The following TLE1 variants were observed in gnomAD, a reference collection of about 807,000 sequenced individuals.
TLE1 encodes the protein transducin-like enhancer protein 1.
Under a neutral mutation model 89.8 loss-of-function variants are expected in TLE1, and 21 were observed. The ratio of observed to expected loss-of-function variants is 0.23; its 90% CI spans 0.17 to 0.34. TLE1 has a LOEUF of 0.34. TLE1 is among the 10% of genes least tolerant of loss of function. The pLI, the probability that TLE1 is intolerant of heterozygous loss-of-function variation, is 1.00. For missense variants in TLE1, 795 were observed against 1,031.2 expected, an observed-to-expected ratio of 0.77 and a Z score of 3.14; for synonymous variants, 447 against 407.6, an observed-to-expected ratio of 1.10 and a Z score of -1.16.
At chr9:81,662,407 T>TGTGTGTGTGTGTGTG (rs1435013957) in intron 4 of TLE1, among the ~76,000 whole-genome samples, 2 of 71,504 alleles carry the variant, frequency 2.8e-5, no homozygotes, top group African/African-American at 5.5e-5. Context: ...GTGTGTGTGT[T>TGTGTGTGTGTGTGTG]TAAAGGGCCA....
chr9:81,610,748 C>T (rs560122434), intron 13 of TLE1, among the ~76,000 whole-genome samples: 2 of 150,300 alleles, frequency 1.3e-5, no homozygotes, highest in Non-Finnish European at 3.0e-5. Context: ...ACCTGCCCCC[C>T]CTCCCACCCC....
chr9:81,591,070 T>C lies in TLE1; in HGVS notation c.1582-18A>G. 1 of 1,604,476 alleles carries C rather than the reference T, an allele frequency of 6.2e-7. No individual in the cohort carries two copies. Among genetic ancestry groups the C allele is most frequent in the Non-Finnish European group, 8.5e-7 (1 of 1,172,470 alleles). ...TCTCTGTTCTGTAGAATAAACATAA[T>C]TCATTGCTATAATGAATTACCGAGC... On this transcript the variant is annotated intron_variant, in intron 15 of 19. Transcript: ENST00000376499.
At chr9:81,592,781 T>A (rs1829722926) in intron 15 of TLE1, among the ~76,000 whole-genome samples, 1 of 152,226 alleles carries the variant, frequency 6.6e-6, no homozygotes, top group African/African-American at 2.4e-5. Flanking sequence ...GGAGAGCCTC[T>A]GTAAACCACT....
chr9:81,589,238 G>T, intron 16 of TLE1, among the ~76,000 whole-genome samples: 1 of 152,102 alleles, frequency 6.6e-6, no homozygotes, highest in Admixed American at 6.5e-5. Flanking sequence ...CTCATGAAAC[G>T]CTGTTCCTCC....
At chr9:81,679,052 G>A (rs764627595) in intron 4 of TLE1, among the ~76,000 whole-genome samples, 7 of 152,158 alleles carry the variant, frequency 4.6e-5, no homozygotes, top group Non-Finnish European at 1.0e-4. Context: ...AGAGGCTGAG[G>A]CAGGAGAATC....
At chr9:81,674,007 C>T (rs1832582586) in intron 4 of TLE1, among the ~76,000 whole-genome samples, 1 of 152,082 alleles carries the variant, frequency 6.6e-6, no homozygotes, top group South Asian at 2.1e-4. Flanking sequence ...CCGAAAGCAA[C>T]CTTTTTATTT....
At chr9:81,638,940 T>C (rs1417522685) in intron 6 of TLE1, among the ~76,000 whole-genome samples, 2 of 151,938 alleles carry the variant, frequency 1.3e-5, no homozygotes, top group Non-Finnish European at 2.9e-5. Flanking sequence ...TGCATTTTTT[T>C]TGAAGCAAAG....
rs548999898 is a variant in TLE1 at position 81,661,711 on chromosome 9, C to T, written c.235-7675G>A. 1.6e-4 allele frequency among the ~76,000 whole-genome samples: 24 copies of T among 152,154 alleles called. No individual in the cohort carries two copies. The East Asian group carries it at 4.3e-3, about 27-fold the overall frequency. On this transcript the variant is annotated intron_variant, in intron 4 of 19. Coordinates refer to ENST00000376499, the MANE Select transcript of TLE1 (RefSeq NM_005077.5). ...GAAATAAACAGATAACCTCTAAATC[C>T]CTTCTGACTAGAAGTTTCTGAGTCT...
intron 13 of TLE1, among the ~76,000 whole-genome samples, chr9:81,610,742 GC>G (rs142200191): frequency 9.6e-5 from 14 of 145,816 alleles, no homozygotes; most frequent in African/African-American, 3.3e-4. Context: ...ATCCATACCT[GC>G]CCCCCCTCCC....
In TLE1 at chr9:81,689,207, GCA is replaced by G; in HGVS notation, c.-969_-968del. 6.6e-6 allele frequency: 1 copy of G among 152,392 alleles called. No individual in the cohort carries two copies. Among genetic ancestry groups the G allele is most frequent in the East Asian group, 1.9e-4 (1 of 5,174 alleles). 9.4% of individuals were successfully genotyped at this position (152,392 alleles called of 1,614,324 possible). On this transcript the variant is annotated 5_prime_UTR_variant, in exon 1 of 20. Transcript: ENST00000376499. ...TCCGCAAAGGGCGCTCCAGCCCACT[GCA>G]AAGTTCTCTCACCACCCGAGGGACG... is the stretch of plus-strand genomic sequence containing the variant.
At chr9:81,641,368 GTGATCAACAGGA>G (rs1828093620) in intron 6 of TLE1, among the ~76,000 whole-genome samples, 1 of 152,118 alleles carries the variant, frequency 6.6e-6, no homozygotes, top group Non-Finnish European at 1.5e-5. Context: ...AGGGGCAAGG[GTGATCAACAGGA>G]AGAAACTGCT....
In TLE1 at chr9:81,585,488, C is replaced by G. The variant is rs1270271694; in HGVS notation, c.2128+17G>C. ...TGGGCCATCAACGGCCTCCAGTTTC[C>G]TTTCGGCTGAACTCACCACAGTAAG... On this transcript the variant is annotated intron_variant, in intron 18 of 19. Coordinates refer to ENST00000376499, the MANE Select transcript of TLE1 (RefSeq NM_005077.5). 3 of 1,604,352 alleles carry G rather than the reference C, an allele frequency of 1.9e-6. No homozygotes were observed. Among genetic ancestry groups the G allele is most frequent in the African/African-American group, 2.7e-5 (2 of 74,680 alleles).
chr9:81,646,319 A>T (rs1444013286), intron 6 of TLE1, among the ~76,000 whole-genome samples: 1 of 152,146 alleles, frequency 6.6e-6, no homozygotes, highest in Non-Finnish European at 1.5e-5. Flanking sequence ...GACTGCGAAG[A>T]CTTCTTTGCA....
intron 8 of TLE1, among the ~76,000 whole-genome samples, chr9:81,627,275 C>T (rs150569315): frequency 3.5e-4 from 53 of 150,832 alleles, no homozygotes; most frequent in Middle Eastern, 3.4e-3. Flanking sequence ...AGAGCACAAA[C>T]TCAAGTCAAA....
At chr9:81,629,086 G>C (rs775148291) in intron 8 of TLE1, among the ~76,000 whole-genome samples, 1 of 152,084 alleles carries the variant, frequency 6.6e-6, no homozygotes, top group Non-Finnish European at 1.5e-5. Context: ...ACATAAAATG[G>C]ATCACTGCAA....
intron 2 of TLE1, 74 bp downstream of exon 2, chr9:81,687,257 GCGC>G: frequency 8.0e-7 from 1 of 1,256,572 alleles, no homozygotes; most frequent in Non-Finnish European, 1.1e-6. Context: ...CTAAGTACAG[GCGC>G]CGCCGCCACC....
chr9:81,640,234 T>A (rs982632317), intron 6 of TLE1, among the ~76,000 whole-genome samples: 2 of 152,170 alleles, frequency 1.3e-5, no homozygotes, highest in African/African-American at 2.4e-5. Flanking sequence ...TTCATGTTCT[T>A]GTATGCTAAA....
At chr9:81,616,612 T>C (rs763466369) in intron 10 of TLE1, 34 bp downstream of exon 10, 6 of 1,610,902 alleles carry the variant, frequency 3.7e-6, no homozygotes, top group African/African-American at 1.3e-5. Context: ...TTCAAATCAT[T>C]CTGAAGACAA....
intron 14 of TLE1, among the ~76,000 whole-genome samples, chr9:81,600,498 C>A (rs1418902510): frequency 6.6e-6 from 1 of 152,020 alleles, no homozygotes; most frequent in Admixed American, 6.5e-5. Flanking sequence ...ACGGCCTCAC[C>A]TCAACTTAAT....
Sources: gnomAD v4.1 joint callset for allele counts (sites outside exome capture counted in the v4.1 genomes callset) on GRCh38, gnomAD v4.1.1 for gene constraint, MANE v1.5 for transcripts, NCBI Gene and HGNC (gene_info 2026-07-23, HGNC 2026-07-21) for gene names.